The following PLEKHS1 variants were observed in gnomAD, a reference collection of about 807,000 sequenced individuals.
PLEKHS1 encodes the protein pleckstrin homology domain containing S1.
Under a neutral mutation model 51.0 loss-of-function variants are expected in PLEKHS1, and 55 were observed. The ratio of observed to expected loss-of-function variants is 1.08; its 90% CI spans 0.87 to 1.35. The LOEUF is 1.35. Among genes scored for constraint, PLEKHS1 ranks in the 40% most tolerant of loss-of-function variants. The pLI is 0.00. For synonymous variants in PLEKHS1, 153 were observed against 144.8 expected, an observed-to-expected ratio of 1.06 and a Z score of -0.41; for missense variants, 398 against 423.0, an observed-to-expected ratio of 0.94 and a Z score of 0.52.
At chr10:113,775,578 C>A (rs1488627199) in intron 10 of PLEKHS1, among the ~76,000 whole-genome samples, 187 bp from the exon 11 acceptor site, 1 of 152,158 alleles carries the variant, frequency 6.6e-6, no homozygotes, top group East Asian at 1.9e-4. Flanking sequence ...CCATAGCCTA[C>A]CATCCGCTAC....
exon 10 of PLEKHS1, chr10:113,774,858 A>G: frequency 6.2e-7 from 1 of 1,614,126 alleles, no homozygotes. Context: ...GAGTCTGTGG[A>G]TAGCAGCAAA....
At chr10:113,757,883 C>A (rs928236503) in intron 2 of PLEKHS1, among the ~76,000 whole-genome samples, 4 of 152,222 alleles carry the variant, frequency 2.6e-5, no homozygotes, top group Admixed American at 6.5e-5. Context: ...GCTGTAGATT[C>A]CATCTCAAGA....
At chr10:113,776,877 G>A (rs900860283) in intron 11 of PLEKHS1, among the ~76,000 whole-genome samples, 18 of 152,210 alleles carry the variant, frequency 1.2e-4, no homozygotes, top group African/African-American at 4.1e-4. Flanking sequence ...TAGGGGAGAT[G>A]AATTATAGCA....
intron 11 of PLEKHS1, among the ~76,000 whole-genome samples, chr10:113,776,734 G>T (rs1375427569): frequency 6.6e-6 from 1 of 152,144 alleles, no homozygotes; most frequent in African/African-American, 2.4e-5. Flanking sequence ...CAAACAAAAA[G>T]GTGACATCAT....
intron 2 of PLEKHS1, 28 bp from the exon 3 acceptor site, chr10:113,766,383 C>G (rs760143019): frequency 2.2e-5 from 30 of 1,380,112 alleles, no homozygotes; most frequent in African/African-American, 1.5e-5. Context: ...TTATGAGGAA[C>G]AAACTGAGTT....
At chr10:113,767,391 T>C (rs1844211637) in exon 5 of PLEKHS1, 1 of 1,610,388 alleles carries the variant, frequency 6.2e-7, no homozygotes, top group Non-Finnish European at 8.5e-7. Context: ...AAAGATGCAA[T>C]CTGTGCAGAA....
chr10:113,778,920 T>C (rs1054025491), intron 11 of PLEKHS1, among the ~76,000 whole-genome samples: 1 of 152,214 alleles, frequency 6.6e-6, no homozygotes, highest in Non-Finnish European at 1.5e-5. Flanking sequence ...CGAGAGCCAC[T>C]GCGCCCGGCC....
At chr10:113,766,658 A>T in exon 4 of PLEKHS1, 1 of 1,613,202 alleles carries the variant, frequency 6.2e-7, no homozygotes, top group South Asian at 1.1e-5. Context: ...GCTGGGGAAA[A>T]GAGCTTTAGT....
At chr10:113,772,073 G>A (rs267602368) in exon 8 of PLEKHS1, 6 of 1,612,464 alleles carry the variant, frequency 3.7e-6, no homozygotes, top group African/African-American at 1.3e-5. Context: ...CTTACTCCTC[G>A]AAGTGTTCTT....
chr10:113,774,971 C>CA lies in PLEKHS1; in HGVS notation c.926dup (p.Thr310AspfsTer4). 6.2e-7 allele frequency: 1 copy of CA among 1,614,180 alleles called. No homozygotes were observed. Among genetic ancestry groups the CA allele is most frequent in the Non-Finnish European group, 8.5e-7 (1 of 1,180,038 alleles). On this transcript the variant is annotated frameshift_variant, in exon 10 of 12. Coordinates refer to ENST00000361048, the Ensembl canonical transcript of PLEKHS1. LOFTEE classifies it high-confidence loss of function. Reference sequence around the variant, plus strand: ...TCTTTCCCCTGCCGATGTGGAAGCACAGACCACAAATGACCAAAAGGGGTC... The same window carrying CA: ...TCTTTCCCCTGCCGATGTGGAAGCACAAGACCACAAATGACCAAAAGGGGTC...
chr10:113,761,444 T>TTTTTTA (rs200744156), intron 2 of PLEKHS1, among the ~76,000 whole-genome samples: 1 of 101,490 alleles, frequency 9.9e-6, no homozygotes, highest in Non-Finnish European at 2.2e-5. Flanking sequence ...AATTTATGTC[T>TTTTTTA]CTTTATTTCA....
intron 4 of PLEKHS1, among the ~76,000 whole-genome samples, chr10:113,767,026 TAG>T (rs1844195714): frequency 1.3e-5 from 2 of 152,332 alleles, no homozygotes; most frequent in South Asian, 4.1e-4. Flanking sequence ...AAAGTCAAGA[TAG>T]AGTTTTAAAA....
intron 11 of PLEKHS1, chr10:113,777,957 TC>T: frequency 2.6e-6 from 1 of 391,458 alleles, no homozygotes; most frequent in Non-Finnish European, 4.7e-6. Context: ...ACCACTGCAC[TC>T]CAGCCTGGAA....
chr10:113,777,182 C>A, intron 11 of PLEKHS1: 1 of 1,612,852 alleles, frequency 6.2e-7, no homozygotes, highest in Non-Finnish European at 8.5e-7. Context: ...CGGAGATCAT[C>A]TTCTGGCAGT....
intron 11 of PLEKHS1, 132 bp from the exon 12 acceptor site, chr10:113,776,992 T>C (rs1844697434): frequency 4.8e-6 from 5 of 1,048,392 alleles, no homozygotes; most frequent in Non-Finnish European, 6.8e-6. Flanking sequence ...GAGGAAACAA[T>C]ATTCTAAACA....
intron 11 of PLEKHS1, among the ~76,000 whole-genome samples, chr10:113,780,310 C>T (rs997303087): frequency 1.3e-5 from 2 of 152,118 alleles, no homozygotes; most frequent in Admixed American, 6.5e-5. Context: ...TTTGAAGAGG[C>T]CTTTTTAATT....
At chr10:113,773,127 C>G (rs1167660035) in intron 8 of PLEKHS1, among the ~76,000 whole-genome samples, 1 of 151,974 alleles carries the variant, frequency 6.6e-6, no homozygotes, top group Non-Finnish European at 1.5e-5. Context: ...CCGGAAACAC[C>G]CAGTTAAAAT....
chr10:113,762,955 A>T (rs1055872758), intron 2 of PLEKHS1, among the ~76,000 whole-genome samples: 2 of 152,104 alleles, frequency 1.3e-5, no homozygotes, highest in African/African-American at 2.4e-5. Context: ...CTCTTAGCAA[A>T]CTTATTATTT....
At chr10:113,777,230 C>G in intron 11 of PLEKHS1, 1 of 1,612,836 alleles carries the variant, frequency 6.2e-7, no homozygotes. Flanking sequence ...GGAGGTCTCC[C>G]TGTTTCTTAC....
Sources: allele counts gnomAD v4.1 joint callset (sites outside exome capture counted in the v4.1 genomes callset), GRCh38; gene constraint gnomAD v4.1.1; transcripts MANE v1.5; gene names NCBI Gene and HGNC (gene_info 2026-07-23, HGNC 2026-07-21).